The following PCDHA4 variants were observed in gnomAD, a reference collection of about 807,000 sequenced individuals.
PCDHA4 encodes protocadherin alpha 4.
PCDHA4 carries 49 observed loss-of-function variants against 61.4 expected under a neutral mutation model. The ratio of observed to expected loss-of-function variants is 0.80; its 90% CI spans 0.63 to 1.01. The LOEUF (loss-of-function observed/expected upper bound fraction) is 1.01. Among genes scored for constraint, PCDHA4 ranks in the 50% least tolerant of loss-of-function variants. PCDHA4 has a pLI of 0.00. For missense variants in PCDHA4, 1,254 were observed against 1,235.8 expected (o/e 1.01, Z -0.22); for synonymous variants, 590 against 550.3 (o/e 1.07, Z -1.01).
intron 3 of PCDHA4, among the ~76,000 whole-genome samples, chr5:140,996,546 T>C (rs1179221123): frequency 6.6e-6 from 1 of 152,224 alleles, no homozygotes; most frequent in Admixed American, 6.5e-5. Flanking sequence ...GATATTATGC[T>C]GTCACTATCT....
chr5:140,877,908 T>G (rs1554170220), intron 1 of PCDHA4: 2 of 1,433,428 alleles, frequency 1.4e-6, no homozygotes, highest in East Asian at 2.5e-5. Context: ...ATAACTACAT[T>G]CTCTCATTTT....
chr5:140,995,233 G>A (rs1359304274), intron 3 of PCDHA4, among the ~76,000 whole-genome samples: 1 of 152,128 alleles, frequency 6.6e-6, no homozygotes, highest in Non-Finnish European at 1.5e-5. Flanking sequence ...TTTGGGGCCA[G>A]TATTAAGTAA....
intron 1 of PCDHA4, chr5:140,869,085 G>C (rs1223648721): frequency 6.3e-7 from 1 of 1,583,562 alleles, no homozygotes; most frequent in Non-Finnish European, 8.6e-7. Flanking sequence ...GCTTATTTTG[G>C]AAGCCAATTT....
intron 1 of PCDHA4, among the ~76,000 whole-genome samples, chr5:140,886,986 A>C (rs1246352877): frequency 6.6e-6 from 1 of 152,160 alleles, no homozygotes; most frequent in Non-Finnish European, 1.5e-5. Context: ...TGTAAATCCA[A>C]ATTTCCAGTT....
chr5:140,974,832 T>C (rs114216401), intron 1 of PCDHA4, among the ~76,000 whole-genome samples: 60 of 152,346 alleles, frequency 3.9e-4, no homozygotes, highest in African/African-American at 1.4e-3. Context: ...ATAATGATTA[T>C]TTTAAATGTT....
At chr5:140,996,987 A>G (rs1554255592) in intron 3 of PCDHA4, among the ~76,000 whole-genome samples, 1 of 152,134 alleles carries the variant, frequency 6.6e-6, no homozygotes, top group African/African-American at 2.4e-5. Context: ...TGAAGCAACC[A>G]CTGTTAACAA....
rs781883995 is a variant in PCDHA4, at chr5:140,876,273, C to A, written c.2385+66701C>A. Reference sequence around the variant, plus strand: ...CAAGAGTGATCCAACTAAATGCTTCCGATCCAGACGAAGGACTTAATGGAG... The same window carrying A: ...CAAGAGTGATCCAACTAAATGCTTCAGATCCAGACGAAGGACTTAATGGAG... On this transcript the variant is annotated intron_variant, in intron 1 of 3. Coordinates refer to ENST00000530339, the MANE Select transcript of PCDHA4 (RefSeq NM_018907.4). 6.8e-6 allele frequency: 11 copies of A among 1,613,984 alleles called. No individual in the cohort carries two copies. The South Asian group carries it at 1.2e-4, about 18-fold the overall frequency.
At chr5:140,991,071 T>A (rs2097430480) in intron 3 of PCDHA4, among the ~76,000 whole-genome samples, 1 of 152,152 alleles carries the variant, frequency 6.6e-6, no homozygotes, top group African/African-American at 2.4e-5. Flanking sequence ...ATTCCCATGT[T>A]TCAGATAAAA....
At chr5:140,967,060 G>A in intron 1 of PCDHA4, 1 of 1,612,802 alleles carries the variant, frequency 6.2e-7, no homozygotes, top group Non-Finnish European at 8.5e-7. Flanking sequence ...CGAGTGGAGC[G>A]CTCTTCGTCA....
intron 3 of PCDHA4, among the ~76,000 whole-genome samples, chr5:140,994,729 A>G (rs1382639837): frequency 6.6e-6 from 1 of 152,180 alleles, no homozygotes; most frequent in Non-Finnish European, 1.5e-5. Flanking sequence ...AATACTGGGT[A>G]TTGCAGGATG....
At position 140,916,114 on chromosome 5, in the gene PCDHA4, G is replaced by A. The variant is rs533496476; in HGVS notation, c.2386-62835G>A. On this transcript the variant is annotated intron_variant, in intron 1 of 3. Transcript: ENST00000530339. ...GGGAATCTGCCTGGCCACTGCTGAT[G>A]TTCACTTAAAGCTTAAGGGCTGTTC... 5.9e-5 allele frequency among the ~76,000 whole-genome samples: 9 copies of A among 152,238 alleles called. No homozygotes were observed. In the East Asian group the frequency reaches 1.7e-3, roughly 29 times the overall value.
chr5:140,822,417 T>G lies in PCDHA4; in HGVS notation c.2385+12845T>G, dbSNP rs17844289. On this transcript the variant is annotated intron_variant, in intron 1 of 3. Transcript: ENST00000530339. Reference sequence around the variant, plus strand: ...AACACCGTTTATTAGTGATTGCAACTGATGGAGGAAAACCCGAACTAACAG... The same window carrying G: ...AACACCGTTTATTAGTGATTGCAACGGATGGAGGAAAACCCGAACTAACAG... 216 of 1,614,062 alleles carry G rather than the reference T, an allele frequency of 1.3e-4. 3 individuals carry two copies. The East Asian group carries it at 4.7e-3, about 35-fold the overall frequency.
intron 1 of PCDHA4, chr5:140,927,739 CG>C: frequency 1.2e-6 from 2 of 1,614,212 alleles, no homozygotes; most frequent in Non-Finnish European, 1.7e-6. Flanking sequence ...GCTGCGACAC[CG>C]CTTTCACGTG....
intron 3 of PCDHA4, among the ~76,000 whole-genome samples, chr5:140,999,452 G>A (rs141442204): frequency 6.4e-4 from 97 of 152,234 alleles, no homozygotes; most frequent in African/African-American, 2.1e-3. Flanking sequence ...TTCGTTCAAC[G>A]AATAAGTGGT....
At chr5:140,871,612 G>T in intron 1 of PCDHA4, 1 of 1,427,256 alleles carries the variant, frequency 7.0e-7, no homozygotes, top group East Asian at 2.5e-5. Flanking sequence ...TTTGAATATT[G>T]TTTTAGATAA....
intron 1 of PCDHA4, chr5:140,858,027 C>T: frequency 1.3e-6 from 2 of 1,596,754 alleles, no homozygotes; most frequent in Non-Finnish European, 1.7e-6. Flanking sequence ...TCGCTGACGG[C>T]CACGGCCACT....
At chr5:140,915,531 T>C (rs1258680816) in intron 1 of PCDHA4, among the ~76,000 whole-genome samples, 1 of 152,150 alleles carries the variant, frequency 6.6e-6, no homozygotes, top group Non-Finnish European at 1.5e-5. Context: ...AGGTACCATC[T>C]TGGAGGTCTT....
At chr5:141,005,288 T>A (rs908780920) in intron 3 of PCDHA4, among the ~76,000 whole-genome samples, 1 of 152,176 alleles carries the variant, frequency 6.6e-6, no homozygotes. Flanking sequence ...AACAGATACA[T>A]TTTTTGCCTT....
At chr5:140,816,821 T>C (rs1766001428) in intron 1 of PCDHA4, 1 of 152,126 alleles carries the variant, frequency 6.6e-6, no homozygotes. Context: ...TCTAATCTTT[T>C]TCCCTCTGTG....
Sources: gnomAD v4.1 joint callset for allele counts (sites outside exome capture counted in the v4.1 genomes callset) on GRCh38, gnomAD v4.1.1 for gene constraint, MANE v1.5 for transcripts, NCBI Gene and HGNC (gene_info 2026-07-23, HGNC 2026-07-21) for gene names.